TMEM150C: variants seen among roughly 807,000 people sequenced by gnomAD.
TMEM150C encodes the protein tentonin 3.
Under a neutral mutation model 29.9 loss-of-function variants are expected in TMEM150C, and 10 were observed. That is an observed-to-expected ratio of 0.33 (90% CI 0.21 to 0.57). TMEM150C has a LOEUF of 0.57. Among genes scored for constraint, TMEM150C ranks in the 20% least tolerant of loss-of-function variants. The pLI is 0.88. For missense variants in TMEM150C, 251 were observed against 303.6 expected (o/e 0.83, Z 1.29); for synonymous variants, 101 against 112.5 (o/e 0.90, Z 0.64).
intron 1 of TMEM150C, among the ~76,000 whole-genome samples, chr4:82,525,742 C>T (rs1724631591): frequency 6.6e-6 from 1 of 152,124 alleles, no homozygotes; most frequent in Admixed American, 6.5e-5. Flanking sequence ...CACAGGGAGG[C>T]CATATGATCA....
chr4:82,532,751 C>CA (rs1324578117), intron 1 of TMEM150C, among the ~76,000 whole-genome samples: 4 of 145,788 alleles, frequency 2.7e-5, no homozygotes, highest in Admixed American at 1.4e-4. Context: ...TTTTTTGAGA[C>CA]AGAGTCTCAC....
At chr4:82,489,906 T>C (rs1723276078) in intron 7 of TMEM150C, among the ~76,000 whole-genome samples, 155 bp downstream of exon 7, 1 of 152,150 alleles carries the variant, frequency 6.6e-6, no homozygotes, top group African/African-American at 2.4e-5. Flanking sequence ...CATGAAAAAT[T>C]GGTCTGAGGG....
rs758911953 is a variant in TMEM150C, at chr4:82,485,461, C to A, written c.*50G>T. 9.2e-6 allele frequency: 13 copies of A among 1,415,784 alleles called. No individual in the cohort carries two copies. The highest frequency in any genetic ancestry group is 1.1e-5 in the Non-Finnish European group (11 of 1,023,948). 87.7% of individuals were successfully genotyped at this position (1,415,784 alleles called of 1,614,324 possible). A position where few individuals can be genotyped will look rare whatever the true frequency, so the allele number is the denominator to read the frequency against. On this transcript the variant is annotated 3_prime_UTR_variant, in exon 8 of 8. Coordinates refer to ENST00000449862, the MANE Select transcript of TMEM150C (RefSeq NM_001080506.3). ...AAGTCCTGTGAGTGTGTCCTACTGG[C>A]CCCTCCCCCACTGTCACACCCACCT... is the stretch of plus-strand genomic sequence containing the variant.
intron 1 of TMEM150C, among the ~76,000 whole-genome samples, chr4:82,512,404 T>G (rs771668032): frequency 6.6e-6 from 1 of 152,198 alleles, no homozygotes; most frequent in South Asian, 2.1e-4. Context: ...AAATTAAAAG[T>G]CATTATTGCT....
chr4:82,537,234 C>G (rs1400104221), intron 1 of TMEM150C, among the ~76,000 whole-genome samples: 1 of 152,160 alleles, frequency 6.6e-6, no homozygotes, highest in Non-Finnish European at 1.5e-5. Flanking sequence ...ATCTGCCCGC[C>G]TCGGCCTCCC....
At chr4:82,524,092 A>T (rs1724575610) in intron 1 of TMEM150C, among the ~76,000 whole-genome samples, 1 of 145,722 alleles carries the variant, frequency 6.9e-6, no homozygotes, top group Non-Finnish European at 1.5e-5. Context: ...CCCCGTCTCT[A>T]CTAAAAATAC....
intron 1 of TMEM150C, among the ~76,000 whole-genome samples, chr4:82,520,186 A>C (rs897414521): frequency 6.6e-6 from 1 of 152,246 alleles, no homozygotes; most frequent in African/African-American, 2.4e-5. Flanking sequence ...GAAAGTAAAA[A>C]TGCCCAGTAG....
chr4:82,524,767 G>A lies in TMEM150C; in HGVS notation c.-10-20100C>T, dbSNP rs191519445. 7.2e-4 allele frequency among the ~76,000 whole-genome samples: 110 copies of A among 152,284 alleles called. 1 individual carries two copies. Among genetic ancestry groups the A allele is most frequent in the Non-Finnish European group, 1.2e-3 (81 of 68,018 alleles). On this transcript the variant is annotated intron_variant, in intron 1 of 7. Transcript: ENST00000449862. ...GTAGCAACTTTGATAATGCAAACAA[G>A]TCCTACAAAGCCCAGAGTAAGGCAA...
intron 1 of TMEM150C, among the ~76,000 whole-genome samples, chr4:82,520,698 C>T (rs1470507132): frequency 6.6e-6 from 1 of 152,096 alleles, no homozygotes; most frequent in Non-Finnish European, 1.5e-5. Flanking sequence ...ACCTAGGCAA[C>T]ATAGCAAGCC....
chr4:82,530,284 A>G (rs937086158), intron 1 of TMEM150C, among the ~76,000 whole-genome samples: 9 of 152,064 alleles, frequency 5.9e-5, no homozygotes, highest in South Asian at 2.1e-4. Flanking sequence ...GGGGCCAGGC[A>G]CGGTGGCTCA....
chr4:82,528,230 G>A (rs1278149514), intron 1 of TMEM150C, among the ~76,000 whole-genome samples: 1 of 152,258 alleles, frequency 6.6e-6, no homozygotes, highest in Non-Finnish European at 1.5e-5. Context: ...GCTGGGCCAT[G>A]AAGAATGAGT....
At chr4:82,512,718 G>A (rs935974075) in intron 1 of TMEM150C, among the ~76,000 whole-genome samples, 2 of 152,096 alleles carry the variant, frequency 1.3e-5, no homozygotes, top group Non-Finnish European at 2.9e-5. Context: ...AGTGGTGATG[G>A]TCATACAACA....
chr4:82,555,774 T>C (rs1725717391), intron 1 of TMEM150C, among the ~76,000 whole-genome samples: 1 of 152,194 alleles, frequency 6.6e-6, no homozygotes, highest in African/African-American at 2.4e-5. Context: ...TGCGGGATAA[T>C]GGCAATACCT....
intron 1 of TMEM150C, among the ~76,000 whole-genome samples, chr4:82,520,831 TACC>T: frequency 6.6e-6 from 1 of 152,308 alleles, no homozygotes; most frequent in East Asian, 1.9e-4. Context: ...ACTATGGTCA[TACC>T]ACTGCATTCC....
intron 1 of TMEM150C, among the ~76,000 whole-genome samples, chr4:82,543,493 C>T (rs998676818): frequency 3.3e-5 from 5 of 152,110 alleles, no homozygotes; most frequent in African/African-American, 4.8e-5. Context: ...TTCCAAGTAA[C>T]GCTGTTACTA....
intron 1 of TMEM150C, among the ~76,000 whole-genome samples, chr4:82,548,015 T>C (rs1024961827): frequency 1.3e-5 from 2 of 152,148 alleles, no homozygotes; most frequent in Non-Finnish European, 2.9e-5. Flanking sequence ...CGGAATACTA[T>C]ACAGCCATAA....
At chr4:82,562,102 G>A (rs1174589598), upstream of TMEM150C, 4 of 1,231,400 alleles carry the variant, frequency 3.2e-6, no homozygotes, top group African/African-American at 4.8e-5. Flanking sequence ...TAGGCCTTCG[G>A]GGAGAGTTGA....
At chr4:82,510,244 A>G (rs1382359435) in intron 1 of TMEM150C, among the ~76,000 whole-genome samples, 1 of 152,350 alleles carries the variant, frequency 6.6e-6, no homozygotes, top group Admixed American at 6.5e-5. Context: ...GCACCACTGC[A>G]CTTCAGTCTA....
chr4:82,552,819 G>A (rs1725624633), intron 1 of TMEM150C, among the ~76,000 whole-genome samples: 1 of 152,126 alleles, frequency 6.6e-6, no homozygotes, highest in Non-Finnish European at 1.5e-5. Flanking sequence ...GTCTAAAGTA[G>A]CAACTCATTA....
Sources: allele counts gnomAD v4.1 joint callset (sites outside exome capture counted in the v4.1 genomes callset), GRCh38; gene constraint gnomAD v4.1.1; transcripts MANE v1.5; gene names NCBI Gene and HGNC (gene_info 2026-07-23, HGNC 2026-07-21).